Variants in BMPR2 observed in about 807,000 individuals in gnomAD.
BMPR2 encodes the protein bone morphogenetic protein receptor type-2.
BMPR2 carries 29 observed loss-of-function variants against 100.8 expected under a neutral mutation model. The ratio of observed to expected loss-of-function variants is 0.29; its 90% confidence interval spans 0.21 to 0.39. The LOEUF (loss-of-function observed/expected upper bound fraction) is 0.39. Ranked by LOEUF, BMPR2 falls within the 10% of genes least tolerant of loss-of-function variation. The pLI is 1.00. For missense variants in BMPR2, 1,011 were observed against 1,274.5 expected (o/e 0.79, Z 3.15); for synonymous variants, 382 against 442.3 (o/e 0.86, Z 1.71).
chr2:202,427,794 A>G (rs1488705340), intron 1 of BMPR2, among the ~76,000 whole-genome samples: 1 of 152,088 alleles, frequency 6.6e-6, no homozygotes, highest in Non-Finnish European at 1.5e-5. Flanking sequence ...CTTGGGCAAC[A>G]TGGCCAAACC....
intron 9 of BMPR2, among the ~76,000 whole-genome samples, chr2:202,536,589 T>G (rs939245020): frequency 1.3e-5 from 2 of 151,528 alleles, no homozygotes; most frequent in Non-Finnish European, 2.9e-5. Flanking sequence ...AGTACTTTTT[T>G]TGGCCGGGTG....
chr2:202,414,683 A>G (rs1326748291), intron 1 of BMPR2, among the ~76,000 whole-genome samples: 1 of 152,234 alleles, frequency 6.6e-6, no homozygotes, highest in Non-Finnish European at 1.5e-5. Context: ...AGATTAAACT[A>G]ACTACAACAT....
intron 1 of BMPR2, among the ~76,000 whole-genome samples, chr2:202,410,275 A>G (rs563583425): frequency 4.7e-4 from 71 of 151,716 alleles, no homozygotes; most frequent in African/African-American, 1.7e-3. Context: ...GTGAGTCACC[A>G]TGCCCGGCCC....
chr2:202,501,618 C>G (rs1479994386), intron 3 of BMPR2, among the ~76,000 whole-genome samples: 2 of 152,186 alleles, frequency 1.3e-5, no homozygotes, highest in Non-Finnish European at 2.9e-5. Flanking sequence ...AGGGTAGTTG[C>G]AGCAGTGGCC....
Position 202,412,912 on chromosome 2 carries a change from CTGTG to C in BMPR2, c.76+35378_76+35381del, listed in dbSNP as rs34767100. On this transcript the variant is annotated intron_variant, in intron 1 of 12. Transcript: ENST00000374580. ...GTATTAGTTTAATGTGTACTATATG[CTGTG>C]TGTGTGTGTGTGTGTACACACTTAC... Among the ~76,000 whole-genome samples, 573 of 150,380 alleles carry C rather than the reference CTGTG, an allele frequency of 3.8e-3. 3 individuals carry two copies. The highest frequency in any genetic ancestry group is 4.8e-3 in the African/African-American group (199 of 41,114).
At chr2:202,414,791 G>T (rs538446879) in intron 1 of BMPR2, among the ~76,000 whole-genome samples, 2 of 152,226 alleles carry the variant, frequency 1.3e-5, no homozygotes, top group Non-Finnish European at 2.9e-5. Flanking sequence ...CCAGGCTGGA[G>T]TGCAGTGGTT....
intron 1 of BMPR2, among the ~76,000 whole-genome samples, chr2:202,456,327 A>C (rs1692103540): frequency 6.7e-6 from 1 of 148,836 alleles, no homozygotes; most frequent in African/African-American, 2.5e-5. Context: ...GCCCACCACC[A>C]CGCCCAGCTG....
chr2:202,384,166 C>T (rs1423114500), intron 1 of BMPR2, among the ~76,000 whole-genome samples: 1 of 152,094 alleles, frequency 6.6e-6, no homozygotes, highest in East Asian at 1.9e-4. Context: ...AGTGAAACTC[C>T]ATCTCAAAAA....
chr2:202,553,015 T>C, intron 11 of BMPR2, 127 bp downstream of exon 11: 1 of 1,236,842 alleles, frequency 8.1e-7, no homozygotes, highest in Admixed American at 2.1e-5. Context: ...TCTAAAGTTA[T>C]CATTTTTCTT....
At chr2:202,491,236 T>G (rs1692894426) in intron 3 of BMPR2, among the ~76,000 whole-genome samples, 1 of 152,072 alleles carries the variant, frequency 6.6e-6, no homozygotes, top group African/African-American at 2.4e-5. Context: ...TTTTAATTGT[T>G]TGTAGAGATG....
chr2:202,438,719 A>AT (rs929242132), intron 1 of BMPR2, among the ~76,000 whole-genome samples: 5 of 150,414 alleles, frequency 3.3e-5, no homozygotes, highest in Non-Finnish European at 5.9e-5. Flanking sequence ...GAAAAGGGCA[A>AT]TTTTTTCCCC....
intron 1 of BMPR2, among the ~76,000 whole-genome samples, chr2:202,408,248 A>T (rs1209910958): frequency 6.6e-6 from 1 of 152,220 alleles, no homozygotes; most frequent in Admixed American, 6.5e-5. Context: ...ATGCTAAAAG[A>T]CTATTCTTCT....
intron 3 of BMPR2, among the ~76,000 whole-genome samples, chr2:202,510,340 C>A (rs1056639407): frequency 6.6e-6 from 1 of 152,116 alleles, no homozygotes; most frequent in Non-Finnish European, 1.5e-5. Context: ...TCACTTGAAC[C>A]CAGGTGGCGG....
chr2:202,559,282 A>G (rs1054886957), intron 12 of BMPR2, among the ~76,000 whole-genome samples: 3 of 151,644 alleles, frequency 2.0e-5, no homozygotes, highest in Admixed American at 6.6e-5. Flanking sequence ...AGCCTGGGCT[A>G]CAGAGTGAGA....
chr2:202,551,723 G>A (rs570339713), intron 10 of BMPR2, among the ~76,000 whole-genome samples: 2 of 152,070 alleles, frequency 1.3e-5, no homozygotes, highest in Admixed American at 6.5e-5. Flanking sequence ...CTTTTGAGGC[G>A]GAGTCTCACT....
intron 3 of BMPR2, among the ~76,000 whole-genome samples, chr2:202,492,531 C>G (rs1692923515): frequency 6.6e-6 from 1 of 151,656 alleles, no homozygotes; most frequent in Non-Finnish European, 1.5e-5. Context: ...AAAACCCCTT[C>G]TCTACTAAAA....
chr2:202,474,933 A>C (rs1692513426), intron 3 of BMPR2: 1 of 152,176 alleles, frequency 6.6e-6, no homozygotes, highest in African/African-American at 2.4e-5. Context: ...TATTTGGAAA[A>C]AGAGAAAAAT....
At chr2:202,550,860 T>C (rs1225840554) in intron 10 of BMPR2, among the ~76,000 whole-genome samples, 2 of 151,864 alleles carry the variant, frequency 1.3e-5, no homozygotes, top group Non-Finnish European at 2.9e-5. Flanking sequence ...GTGGCTTTTA[T>C]AGTTACCTAA....
intron 3 of BMPR2, among the ~76,000 whole-genome samples, chr2:202,499,592 C>T (rs375688822): frequency 3.6e-4 from 55 of 152,254 alleles, no homozygotes; most frequent in South Asian, 1.2e-3. Flanking sequence ...CTTCCTCGAG[C>T]GGCTACGAGA....
Sources: gnomAD v4.1 joint callset for allele counts (sites outside exome capture counted in the v4.1 genomes callset) on GRCh38, gnomAD v4.1.1 for gene constraint, MANE v1.5 for transcripts, NCBI Gene and HGNC (gene_info 2026-07-23, HGNC 2026-07-21) for gene names.